Variants in AKAP3 observed in about 807,000 individuals in gnomAD.
The protein encoded by AKAP3 is A-kinase anchoring protein 3, also known as A-kinase anchor protein 3.
A neutral mutation model predicts 57.2 loss-of-function variants in AKAP3; 27 were observed. That is an observed-to-expected ratio of 0.47 (90% CI 0.35 to 0.65). The LOEUF is 0.65. Among genes scored for constraint, AKAP3 ranks in the 30% least tolerant of loss-of-function variants. AKAP3 has a pLI of 0.01. For synonymous variants in AKAP3, 334 were observed against 392.3 expected, an observed-to-expected ratio of 0.85 and a Z score of 1.76; for missense variants, 959 against 1,040.0, an observed-to-expected ratio of 0.92 and a Z score of 1.07.
Position 4,626,651 on chromosome 12 carries a change from C to T in AKAP3, c.2251G>A (p.Gly751Arg). ...MRGTSGQPPE[G>R]CAAPTVIVSN... ...ACAATCACCGTGGGTGCTGCACACC[C>T]TTCAGGGGGCTGTCCTGATGTGCCT... is the stretch of plus-strand genomic sequence containing the variant. Residue 751 changes from glycine (G) to arginine (R), a missense_variant, in exon 5 of 6, where the codon GGG becomes AGG. By Grantham distance (125) the Gly-to-Arg change is moderately radical. Coordinates refer to ENST00000228850, the MANE Select transcript of AKAP3 (RefSeq NM_001278309.2). 1 of 1,614,222 alleles carries T rather than the reference C, an allele frequency of 6.2e-7. No individual in the cohort carries two copies.
intron 5 of AKAP3, 52 bp from the exon 6 acceptor site, chr12:4,615,946 C>A: frequency 6.2e-7 from 1 of 1,607,238 alleles, no homozygotes; most frequent in Non-Finnish European, 8.5e-7. Flanking sequence ...TCATGGCAGG[C>A]CAGATGGAGC....
intron 2 of AKAP3, among the ~76,000 whole-genome samples, chr12:4,643,936 G>A (rs187392693): frequency 8.5e-5 from 13 of 152,320 alleles, no homozygotes; most frequent in African/African-American, 2.4e-4. Flanking sequence ...GTACTTGATC[G>A]AGTTTTGAGG....
intron 5 of AKAP3, among the ~76,000 whole-genome samples, chr12:4,616,983 CTAAAA>C (rs1256988527): frequency 6.6e-6 from 1 of 152,024 alleles, no homozygotes; most frequent in African/African-American, 2.4e-5. Flanking sequence ...CTCAGGGTAC[CTAAAA>C]TAAAATAAAC....
chr12:4,640,780 T>C (rs920075626), intron 3 of AKAP3, among the ~76,000 whole-genome samples: 1 of 152,166 alleles, frequency 6.6e-6, no homozygotes, highest in Admixed American at 6.5e-5. Context: ...GAGTTCTCCA[T>C]CCTAATTAGA....
chr12:4,622,504 C>T (rs1021689577), intron 5 of AKAP3, among the ~76,000 whole-genome samples: 1 of 152,150 alleles, frequency 6.6e-6, no homozygotes, highest in Non-Finnish European at 1.5e-5. Flanking sequence ...TGATCTTTGA[C>T]AAAGCTGACA....
chr12:4,648,948 T>C lies in AKAP3; in HGVS notation c.-448A>G. On this transcript the variant is annotated 5_prime_UTR_variant, in exon 1 of 6. Transcript: ENST00000228850. ...TCTGAGATTCCAACAGCCAAAGTCTTTTCACTTCCTTTCTTCCCCCTCTCC... is the reference window on the plus strand; with the variant it reads ...TCTGAGATTCCAACAGCCAAAGTCTCTTCACTTCCTTTCTTCCCCCTCTCC... 1.5e-6 allele frequency: 1 copy of C among 669,284 alleles called. No individual in the cohort carries two copies. The highest frequency in any genetic ancestry group is 2.5e-6 in the Non-Finnish European group (1 of 394,642). The allele number at this position is 669,284 out of a possible 1,614,324, so 41.5% of individuals were successfully genotyped here.
intron 1 of AKAP3, 65 bp from the exon 2 acceptor site, chr12:4,645,257 T>A (rs1415565393): frequency 2.6e-5 from 4 of 152,252 alleles, no homozygotes; most frequent in Non-Finnish European, 5.9e-5. Flanking sequence ...GTAGTGAGGC[T>A]ACCAGAAAAT....
intron 4 of AKAP3, among the ~76,000 whole-genome samples, chr12:4,637,327 G>A (rs1028761080): frequency 2.0e-5 from 3 of 152,216 alleles, no homozygotes; most frequent in African/African-American, 7.2e-5. Flanking sequence ...GGAGGAAAGG[G>A]CTTCCCTCTG....
Position 4,626,488 on chromosome 12 carries a change from T to C in AKAP3, c.2406+8A>G. 1 of 1,610,406 alleles carries C rather than the reference T, an allele frequency of 6.2e-7. No homozygotes were observed. On this transcript the variant is annotated splice_region_variant and intron_variant, in intron 5 of 5. Coordinates refer to ENST00000228850, the MANE Select transcript of AKAP3 (RefSeq NM_001278309.2). ...AAGCTTCCAAATTCCTCTGCCTTTG[T>C]TTCTTACCTTCTCCTGGATCCCTTC...
Position 4,627,273 on chromosome 12 carries a change from T to C in AKAP3, c.1629A>G (p.Gly543=). The change falls in exon 5 of 6, where the codon GGA becomes GGG. Residue 543 remains glycine, a synonymous_variant. Transcript: ENST00000228850. ...CAACGAAGCTCCGTGCATCCCTTCT[T>C]CCTCCCTGGGCCAGGTGATATTGAA... ...LLIQYHLAQG[G]RRDARSFVEA... The C allele has an allele frequency of 6.2e-7, 1 of 1,613,918 alleles. No individual in the cohort carries two copies. The highest frequency in any genetic ancestry group is 8.5e-7 in the Non-Finnish European group (1 of 1,179,978).
In AKAP3 at chr12:4,628,573, C is replaced by T; in HGVS notation, c.329G>A (p.Gly110Asp). 1.9e-6 allele frequency: 3 copies of T among 1,614,144 alleles called. No individual in the cohort carries two copies. Among genetic ancestry groups the T allele is most frequent in the Non-Finnish European group, 2.5e-6 (3 of 1,180,016 alleles). The change falls in exon 5 of 6, where the codon GGC becomes GAC. Residue 110 changes from glycine to aspartate, a missense_variant. Physicochemically the swap from Gly to Asp is moderately conservative, Grantham distance 94 (BLOSUM62 -1). Transcript: ENST00000228850. ...CCCGTTGCCAAGTTGGGCCCTGGGG[C>T]CCTGGCAAGGAATCTCTTTGTGAGT... ...EMTHKEIPCQ[G>D]PRAQLGNGSS...
At chr12:4,638,901 C>T (rs990124983) in intron 3 of AKAP3, among the ~76,000 whole-genome samples, 6 of 152,230 alleles carry the variant, frequency 3.9e-5, no homozygotes, top group African/African-American at 1.4e-4. Context: ...GCTCTATTCC[C>T]TAATCTCAGT....
chr12:4,632,696 A>G (rs1945513228), intron 4 of AKAP3, among the ~76,000 whole-genome samples: 1 of 152,134 alleles, frequency 6.6e-6, no homozygotes, highest in South Asian at 2.1e-4. Flanking sequence ...GCTGGAGTGC[A>G]GTCGTGCGAT....
intron 1 of AKAP3, among the ~76,000 whole-genome samples, chr12:4,646,474 C>T (rs1591538592): frequency 6.6e-6 from 1 of 151,974 alleles, no homozygotes; most frequent in East Asian, 1.9e-4. Flanking sequence ...AGTTCAGGAC[C>T]AGCCTGGCCA....
intron 2 of AKAP3, among the ~76,000 whole-genome samples, chr12:4,642,858 A>G (rs1302967909): frequency 6.6e-6 from 1 of 152,182 alleles, no homozygotes; most frequent in African/African-American, 2.4e-5. Context: ...ATGAATATGC[A>G]CCACCTGCCC....
At chr12:4,629,784 A>T (rs1397257316) in intron 4 of AKAP3, among the ~76,000 whole-genome samples, 2 of 152,240 alleles carry the variant, frequency 1.3e-5, no homozygotes, top group African/African-American at 4.8e-5. Flanking sequence ...TTCCAAAAAA[A>T]TGAGAAAATT....
chr12:4,628,870 C>T lies in AKAP3; in HGVS notation c.97-65G>A, dbSNP rs139826298. ...AAAGATATGGGATATTCAAGACAACCTCAAAGTTCAGTTACAAATGTCATC... is the reference window on the plus strand; with the variant it reads ...AAAGATATGGGATATTCAAGACAACTTCAAAGTTCAGTTACAAATGTCATC... On this transcript the variant is annotated intron_variant, in intron 4 of 5. Coordinates refer to ENST00000228850, the MANE Select transcript of AKAP3 (RefSeq NM_001278309.2). 2,842 of 1,498,658 alleles carry T rather than the reference C, an allele frequency of 1.9e-3. 5 individuals carry two copies. The highest frequency in any genetic ancestry group is 2.2e-3 in the Non-Finnish European group (2,455 of 1,115,184). 92.8% of individuals were successfully genotyped at this position (1,498,658 alleles called of 1,614,324 possible).
chr12:4,640,794 G>A (rs1182206024), intron 3 of AKAP3, among the ~76,000 whole-genome samples: 1 of 152,114 alleles, frequency 6.6e-6, no homozygotes, highest in Non-Finnish European at 1.5e-5. Context: ...AATTAGACAT[G>A]AGCATCACCA....
Position 4,640,338 on chromosome 12 carries a change from G to A in AKAP3, c.-1+1561C>T, listed in dbSNP as rs185120902. Reference sequence around the variant, plus strand: ...CAACAAAATACTTGTTTAAAATACTGTTATAATCAAGCTCAACAGCTTATC... The same window carrying A: ...CAACAAAATACTTGTTTAAAATACTATTATAATCAAGCTCAACAGCTTATC... On this transcript the variant is annotated intron_variant, in intron 3 of 5. Transcript: ENST00000228850. 4.2e-4 allele frequency among the ~76,000 whole-genome samples: 64 copies of A among 152,234 alleles called. No individual in the cohort carries two copies. In the East Asian group the frequency reaches 6.4e-3, roughly 15 times the overall value.
Sources: allele counts gnomAD v4.1 joint callset (sites outside exome capture counted in the v4.1 genomes callset), GRCh38; gene constraint gnomAD v4.1.1; transcripts MANE v1.5; gene names NCBI Gene and HGNC (gene_info 2026-07-23, HGNC 2026-07-21).